ANO4: variants seen among roughly 807,000 people sequenced by gnomAD.
The protein encoded by ANO4 is anoctamin 4.
A neutral mutation model predicts 141.9 loss-of-function variants in ANO4; 69 were observed. The observed-to-expected ratio is 0.49, with a 90% confidence interval of 0.40 to 0.59. The LOEUF (loss-of-function observed/expected upper bound fraction) is 0.59. ANO4 is among the 20% of genes least tolerant of loss of function. The pLI, the probability that ANO4 is intolerant of heterozygous loss-of-function variation, is 0.00. For missense variants in ANO4, 894 were observed against 1,162.2 expected, an observed-to-expected ratio of 0.77 and a Z score of 3.36; for synonymous variants, 350 against 394.3, an observed-to-expected ratio of 0.89 and a Z score of 1.33.
intron 14 of ANO4, among the ~76,000 whole-genome samples, chr12:101,050,534 A>G (rs2047818304): frequency 6.6e-6 from 1 of 152,224 alleles, no homozygotes; most frequent in Admixed American, 6.5e-5. Flanking sequence ...CGGATAAGCC[A>G]TATAATGCTT....
intron 5 of ANO4, among the ~76,000 whole-genome samples, chr12:100,953,190 C>A (rs1366691656): frequency 6.6e-6 from 1 of 152,174 alleles, no homozygotes; most frequent in African/African-American, 2.4e-5. Context: ...CTTTGTGATA[C>A]TTTTGCTCCT....
intron 1 of ANO4, among the ~76,000 whole-genome samples, chr12:100,868,401 G>A (rs2038868806): frequency 6.6e-6 from 1 of 152,104 alleles, no homozygotes; most frequent in South Asian, 2.1e-4. Flanking sequence ...ACCTTAGTAG[G>A]TGGTCCATCT....
intron 1 of ANO4, among the ~76,000 whole-genome samples, chr12:100,857,918 C>T (rs1326895904): frequency 1.3e-5 from 2 of 151,974 alleles, no homozygotes; most frequent in South Asian, 2.1e-4. Flanking sequence ...ATATTCAAAC[C>T]TCATTTGAAA....
At chr12:101,070,220 G>A (rs10860675) in intron 14 of ANO4, among the ~76,000 whole-genome samples, 67,586 of 151,824 alleles carry the variant, frequency 0.45, 15,503 homozygotes, top group African/African-American at 0.56. Context: ...GTTATACTGA[G>A]CAAAAACAAC....
At chr12:100,816,580 G>A (rs541461126) in intron 1 of ANO4, among the ~76,000 whole-genome samples, 100 of 152,082 alleles carry the variant, frequency 6.6e-4, no homozygotes, top group African/African-American at 2.3e-3. Flanking sequence ...GAATAAGTTA[G>A]TGGCAGTACA....
Position 100,729,360 on chromosome 12 carries a change from C to CAAAAAAAAAA in ANO4, c.23-4393_23-4384dup, listed in dbSNP as rs1156522144. Among the ~76,000 whole-genome samples, 81 of 22,570 alleles carry CAAAAAAAAAA rather than the reference C, an allele frequency of 3.6e-3. 8 individuals are homozygous for CAAAAAAAAAA. The highest frequency in any genetic ancestry group is 4.5e-3 in the Non-Finnish European group (54 of 11,962). The allele number at this position is 22,570 out of a possible 152,430, so 14.8% of individuals were successfully genotyped here. On this transcript the variant is annotated intron_variant, in intron 1 of 29. Transcript: ENST00000644049. ...TAAAAGCAAGGGCAAAACTCTGTCT[C>CAAAAAAAAAA]AAAAAAAAAAAAAAAAAAAAAAAAA...
At chr12:100,959,833 G>A (rs1422354771) in intron 5 of ANO4, among the ~76,000 whole-genome samples, 3 of 152,036 alleles carry the variant, frequency 2.0e-5, no homozygotes, top group African/African-American at 2.4e-5. Context: ...CTTTTCTTCT[G>A]TATCTCCATC....
chr12:101,044,824 A>C (rs994971138), intron 13 of ANO4, among the ~76,000 whole-genome samples: 2 of 152,202 alleles, frequency 1.3e-5, no homozygotes, highest in African/African-American at 4.8e-5. Context: ...GGAAACACTC[A>C]GATAGACCTG....
intron 3 of ANO4, among the ~76,000 whole-genome samples, chr12:100,755,295 T>A (rs1029635158): frequency 1.2e-4 from 18 of 152,280 alleles, no homozygotes; most frequent in Admixed American, 6.5e-4. Flanking sequence ...CTTTCTTGCT[T>A]GGTGAAATCC....
intron 26 of ANO4, among the ~76,000 whole-genome samples, chr12:101,124,981 A>T (rs1270177125): frequency 2.0e-5 from 3 of 152,182 alleles, no homozygotes; most frequent in African/African-American, 7.2e-5. Context: ...CATGAATTTT[A>T]AAAGAGTTTC....
intron 22 of ANO4, among the ~76,000 whole-genome samples, chr12:101,103,183 TTATATATATATATATATATATATATA>T (rs71091476): frequency 5.4e-5 from 1 of 18,582 alleles, no homozygotes; most frequent in Non-Finnish European, 9.6e-5. Flanking sequence ...TTTAGTCATT[TTATATATATATATATATATATATATA>T]TATATATATA....
chr12:101,096,753 G>C, intron 19 of ANO4, 106 bp downstream of exon 19: 1 of 833,158 alleles, frequency 1.2e-6, no homozygotes, highest in Non-Finnish European at 1.9e-6. Context: ...TTTATACAAA[G>C]TGTAAAAAGG....
intron 3 of ANO4, among the ~76,000 whole-genome samples, chr12:100,760,392 T>G (rs1046740968): frequency 6.6e-6 from 1 of 152,168 alleles, no homozygotes; most frequent in African/African-American, 2.4e-5. Context: ...TGATACCTAT[T>G]TGACTCCATC....
Position 101,042,481 on chromosome 12 carries a change from C to T in ANO4, c.1154+13C>T, listed in dbSNP as rs749323828. The T allele has an allele frequency of 2.5e-6, 4 of 1,613,910 alleles. No individual in the cohort carries two copies. In the South Asian group the frequency reaches 4.4e-5, roughly 18 times the overall value. On this transcript the variant is annotated intron_variant, in intron 12 of 27. Coordinates refer to ENST00000392977, the MANE Select transcript of ANO4 (RefSeq NM_001286615.2). ...ACAGCCAAGTCAGGTACGGGGAGCT[C>T]TTGGATGAGTTTGCCTTTGTTTAGT...
intron 26 of ANO4, among the ~76,000 whole-genome samples, chr12:101,121,456 A>G (rs2051088861): frequency 6.6e-6 from 1 of 152,196 alleles, no homozygotes; most frequent in Non-Finnish European, 1.5e-5. Context: ...GTGTATACAT[A>G]CCACATTTTC....
chr12:101,000,327 G>A (rs1304130074), intron 8 of ANO4, among the ~76,000 whole-genome samples: 1 of 152,196 alleles, frequency 6.6e-6, no homozygotes, highest in Non-Finnish European at 1.5e-5. Flanking sequence ...AACATTTTAT[G>A]TGTCAGTAAC....
At chr12:101,077,273 C>T (rs1481715393) in intron 14 of ANO4, among the ~76,000 whole-genome samples, 2 of 152,158 alleles carry the variant, frequency 1.3e-5, no homozygotes, top group Admixed American at 6.5e-5. Context: ...CACTGGGAGA[C>T]GACTTGGAAG....
intron 16 of ANO4, among the ~76,000 whole-genome samples, chr12:101,086,322 T>C (rs1483421791): frequency 6.6e-6 from 1 of 152,088 alleles, no homozygotes; most frequent in African/African-American, 2.4e-5. Flanking sequence ...AATAGGAAAC[T>C]AATAAACAAT....
Position 100,998,098 on chromosome 12 carries a change from G to A in ANO4, c.734+10428G>A, listed in dbSNP as rs117206845. Among the ~76,000 whole-genome samples the A allele has an allele frequency of 1.9e-3, 282 of 152,312 alleles. 6 individuals are homozygous for A. In the East Asian group the frequency reaches 0.049, roughly 26 times the overall value. ...GAGGCCAAAATAGATTAACATTTGA[G>A]TCAGTGGGCTGGGGAAGGCAGACCC... On this transcript the variant is annotated intron_variant, in intron 8 of 27. Coordinates refer to ENST00000392977, the MANE Select transcript of ANO4 (RefSeq NM_001286615.2).
Sources: allele counts gnomAD v4.1 joint callset (sites outside exome capture counted in the v4.1 genomes callset), GRCh38; gene constraint gnomAD v4.1.1; transcripts MANE v1.5; gene names NCBI Gene and HGNC (gene_info 2026-07-23, HGNC 2026-07-21).